Variants in ESRRG observed in about 807,000 individuals in gnomAD.
The protein encoded by ESRRG is estrogen-related receptor gamma.
Under a neutral mutation model 44.0 loss-of-function variants are expected in ESRRG, and 13 were observed. The observed-to-expected ratio is 0.30, with a 90% CI of 0.19 to 0.47. ESRRG has a LOEUF of 0.47. Among genes scored for constraint, ESRRG ranks in the 20% least tolerant of loss-of-function variants. The pLI is 1.00. For synonymous variants in ESRRG, 215 were observed against 214.6 expected (o/e 1.00, Z -0.02); for missense variants, 395 against 580.6 (o/e 0.68, Z 3.29).
intron 2 of ESRRG, among the ~76,000 whole-genome samples, chr1:216,840,632 T>C (rs1374859335): frequency 6.6e-6 from 1 of 152,152 alleles, no homozygotes; most frequent in African/African-American, 2.4e-5. Context: ...CAGCTTTTGA[T>C]TTCAAGTGAG....
intron 5 of ESRRG, among the ~76,000 whole-genome samples, chr1:216,559,714 G>A (rs2058341435): frequency 6.6e-6 from 1 of 152,180 alleles, no homozygotes; most frequent in Admixed American, 6.5e-5. Flanking sequence ...ACTATTTTAA[G>A]ATGGGTATTT....
At chr1:217,132,788 A>T (rs984470499) in intron 1 of ESRRG, among the ~76,000 whole-genome samples, 3 of 152,078 alleles carry the variant, frequency 2.0e-5, no homozygotes, top group African/African-American at 2.4e-5. Context: ...CAGGTCACAG[A>T]TCTGAAGTAT....
At chr1:216,773,155 A>G (rs967912829) in intron 2 of ESRRG, among the ~76,000 whole-genome samples, 1 of 152,120 alleles carries the variant, frequency 6.6e-6, no homozygotes, top group Non-Finnish European at 1.5e-5. Flanking sequence ...AAAAAACTGA[A>G]CTTAAAATGT....
intron 3 of ESRRG, among the ~76,000 whole-genome samples, chr1:216,569,310 C>T (rs1247394401): frequency 6.6e-6 from 1 of 151,566 alleles, no homozygotes; most frequent in Non-Finnish European, 1.5e-5. Flanking sequence ...AGAAGAGCTT[C>T]CCAAAGAATT....
intron 3 of ESRRG, among the ~76,000 whole-genome samples, chr1:216,593,692 C>T (rs927969834): frequency 3.9e-5 from 6 of 152,186 alleles, no homozygotes; most frequent in African/African-American, 1.2e-4. Context: ...TAAGTTAGAA[C>T]GGATTCCCAG....
intron 3 of ESRRG, among the ~76,000 whole-genome samples, chr1:216,616,673 C>T (rs1484909214): frequency 6.6e-6 from 1 of 150,484 alleles, no homozygotes; most frequent in East Asian, 2.0e-4. Context: ...TTATAGGCCG[C>T]CACAAACCAC....
intron 1 of ESRRG, among the ~76,000 whole-genome samples, chr1:217,027,654 G>C (rs1025247319): frequency 2.6e-5 from 4 of 152,042 alleles, no homozygotes; most frequent in Non-Finnish European, 4.4e-5. Context: ...AAAAGAAAAA[G>C]TTTCACTCCC....
intron 2 of ESRRG, among the ~76,000 whole-genome samples, chr1:216,838,387 A>C (rs2095601169): frequency 6.6e-6 from 1 of 152,128 alleles, no homozygotes; most frequent in Non-Finnish European, 1.5e-5. Context: ...GGCATTTACA[A>C]ATTTGTCATT....
chr1:217,079,024 C>T (rs1002296769), intron 1 of ESRRG, among the ~76,000 whole-genome samples: 1 of 152,110 alleles, frequency 6.6e-6, no homozygotes, highest in Non-Finnish European at 1.5e-5. Flanking sequence ...TGAAATATTC[C>T]ACTGTTTAGC....
intron 1 of ESRRG, among the ~76,000 whole-genome samples, chr1:217,135,975 G>T (rs2093044063): frequency 6.6e-6 from 1 of 152,074 alleles, no homozygotes; most frequent in Non-Finnish European, 1.5e-5. Context: ...AGTTGTGAGG[G>T]GATAGATTGG....
At chr1:216,603,980 A>G (rs576142533) in intron 3 of ESRRG, among the ~76,000 whole-genome samples, 5 of 151,738 alleles carry the variant, frequency 3.3e-5, no homozygotes, top group Admixed American at 3.3e-4. Context: ...AAAATTGTTT[A>G]ACTTATGCCA....
At chr1:216,793,074 T>G (rs2094369269) in intron 2 of ESRRG, among the ~76,000 whole-genome samples, 1 of 152,172 alleles carries the variant, frequency 6.6e-6, no homozygotes, top group South Asian at 2.1e-4. Context: ...GGAAAATCCA[T>G]ATTTATCCTC....
chr1:216,743,709 C>G (rs900037347), intron 2 of ESRRG, among the ~76,000 whole-genome samples: 1 of 152,124 alleles, frequency 6.6e-6, no homozygotes, highest in African/African-American at 2.4e-5. Flanking sequence ...CTGTCACTGT[C>G]GTTGTGATCA....
intron 3 of ESRRG, among the ~76,000 whole-genome samples, chr1:216,641,512 G>C (rs1193440293): frequency 9.2e-5 from 14 of 152,200 alleles, no homozygotes; most frequent in Admixed American, 9.2e-4. Context: ...GAGGCAGATG[G>C]TGCACAAAGT....
intron 2 of ESRRG, among the ~76,000 whole-genome samples, chr1:216,879,116 A>G (rs2096402394): frequency 6.6e-6 from 1 of 152,242 alleles, no homozygotes. Context: ...AAAGGCAAAT[A>G]GGTGAACATA....
intron 1 of ESRRG, among the ~76,000 whole-genome samples, chr1:216,699,943 A>G (rs551407705): frequency 6.6e-6 from 1 of 152,286 alleles, no homozygotes; most frequent in African/African-American, 2.4e-5. Flanking sequence ...TCTCATTTAC[A>G]GTCTATCAGA....
intron 1 of ESRRG, among the ~76,000 whole-genome samples, chr1:216,720,450 G>GA (rs1202158712): frequency 6.6e-6 from 1 of 151,994 alleles, no homozygotes; most frequent in Non-Finnish European, 1.5e-5. Flanking sequence ...ATTCTTACTT[G>GA]AAAAAATAAA....
chr1:217,007,492 T>TCAGCTCACC (rs2077919988), intron 1 of ESRRG, among the ~76,000 whole-genome samples: 1 of 152,192 alleles, frequency 6.6e-6, no homozygotes, highest in Non-Finnish European at 1.5e-5. Flanking sequence ...ATCCTCACCC[T>TCAGCTCACC]CAGCTCAATG....
At chr1:216,913,770 C>G (rs2060793227) in intron 2 of ESRRG, among the ~76,000 whole-genome samples, 1 of 152,164 alleles carries the variant, frequency 6.6e-6, no homozygotes, top group African/African-American at 2.4e-5. Context: ...GTATAAAACT[C>G]TATATGCTGT....
Sources: gnomAD v4.1 joint callset for allele counts (sites outside exome capture counted in the v4.1 genomes callset) on GRCh38, gnomAD v4.1.1 for gene constraint, MANE v1.5 for transcripts, NCBI Gene and HGNC (gene_info 2026-07-23, HGNC 2026-07-21) for gene names.